The following MYOCD variants were observed in gnomAD, a reference collection of about 807,000 sequenced individuals.
The protein encoded by MYOCD is myocardin.
A neutral mutation model predicts 96.1 loss-of-function variants in MYOCD; 32 were observed. That is an observed-to-expected ratio of 0.33 (90% confidence interval 0.25 to 0.45). The LOEUF is 0.45. Ranked by LOEUF, MYOCD falls within the 20% of genes least tolerant of loss-of-function variation. The probability of loss-of-function intolerance (pLI) is 1.00; values close to 1 mark genes in which losing one functional copy is unlikely to be tolerated. For synonymous variants in MYOCD, 469 were observed against 469.0 expected (o/e 1.00, Z 0.00); for missense variants, 1,133 against 1,200.6 (o/e 0.94, Z 0.83).
At chr17:12,726,809 A>G (rs2032012968) in intron 5 of MYOCD, among the ~76,000 whole-genome samples, 1 of 152,202 alleles carries the variant, frequency 6.6e-6, no homozygotes, top group African/African-American at 2.4e-5. Context: ...TGGTTGCTTT[A>G]AAACATTGCT....
At chr17:12,707,372 C>T (rs2031326750) in intron 2 of MYOCD, among the ~76,000 whole-genome samples, 2 of 152,032 alleles carry the variant, frequency 1.3e-5, no homozygotes, top group Non-Finnish European at 2.9e-5. Flanking sequence ...GATGGTCCCT[C>T]AGAGAGAGTC....
rs1275352111 is a variant in MYOCD at position 12,746,110 on chromosome 17, C to T, written c.1125+38C>T. The T allele has an allele frequency of 4.4e-6, 7 of 1,603,646 alleles. No homozygotes were observed. The Admixed American group carries it at 8.5e-5, about 19-fold the overall frequency. On this transcript the variant is annotated intron_variant, in intron 9 of 13. Transcript: ENST00000425538. ...ACATGAGTTTCTTTCTTTTTTTAAACAAATACAACAGTATGTTGTTAACAT... is the reference window on the plus strand; with the variant it reads ...ACATGAGTTTCTTTCTTTTTTTAAATAAATACAACAGTATGTTGTTAACAT...
At chr17:12,738,015 G>A (rs757597) in intron 6 of MYOCD, among the ~76,000 whole-genome samples, 74,433 of 152,052 alleles carry the variant, frequency 0.49, 18,461 homozygotes, top group East Asian at 0.62. Flanking sequence ...ATCAAACGGT[G>A]TATCAGATCA....
chr17:12,768,874 A>T lies in MYOCD; in HGVS notation c.*5230A>T, dbSNP rs757142459. ...CAAAAAGCAGTGGCTAAAATACCAAAGTTGGCATGTGTTCTTTTTTAAAAA... is the reference window on the plus strand; with the variant it reads ...CAAAAAGCAGTGGCTAAAATACCAATGTTGGCATGTGTTCTTTTTTAAAAA... On this transcript the variant is annotated 3_prime_UTR_variant, in exon 14 of 14. Coordinates refer to ENST00000425538, the MANE Select transcript of MYOCD (RefSeq NM_001146312.3). 6.7e-6 allele frequency: 1 copy of T among 150,230 alleles called. No individual in the cohort carries two copies. Among genetic ancestry groups the T allele is most frequent in the Non-Finnish European group, 1.5e-5 (1 of 67,760 alleles). The allele number at this position is 150,230 out of a possible 1,614,324, so 9.3% of individuals were successfully genotyped here. A position where few individuals can be genotyped will look rare whatever the true frequency, so the allele number is the denominator to read the frequency against.
chr17:12,666,380 G>A (rs1909376916), intron 1 of MYOCD, 137 bp downstream of exon 1: 1 of 690,344 alleles, frequency 1.4e-6, no homozygotes, highest in South Asian at 1.8e-5. Context: ...CATTGTGGAA[G>A]CGAAGAGTTT....
intron 5 of MYOCD, among the ~76,000 whole-genome samples, chr17:12,723,562 C>G (rs942843804): frequency 6.6e-6 from 1 of 152,176 alleles, no homozygotes; most frequent in Admixed American, 6.5e-5. Context: ...GACAAATACT[C>G]AAAAAGGAGA....
rs1455319669 is a variant in MYOCD, at chr17:12,758,913, G to T, written c.2331+700G>T. Among the ~76,000 whole-genome samples the T allele has an allele frequency of 9.2e-5, 14 of 152,176 alleles. No individual in the cohort carries two copies. The South Asian group carries it at 2.7e-3, about 29-fold the overall frequency. ...AAAATACAAAAATTAGCTGGGTGTGGTGGTGTGTGCCTGTAATCCCAGCTA... is the reference window on the plus strand; with the variant it reads ...AAAATACAAAAATTAGCTGGGTGTGTTGGTGTGTGCCTGTAATCCCAGCTA... On this transcript the variant is annotated intron_variant, in intron 12 of 13. Transcript: ENST00000425538.
intron 1 of MYOCD, among the ~76,000 whole-genome samples, chr17:12,702,831 A>G (rs937620952): frequency 6.6e-6 from 1 of 152,022 alleles, no homozygotes; most frequent in African/African-American, 2.4e-5. Context: ...TTATCACTGT[A>G]ATCTGTATTA....
chr17:12,726,604 T>A (rs1455903999), intron 5 of MYOCD, among the ~76,000 whole-genome samples: 1 of 152,320 alleles, frequency 6.6e-6, no homozygotes, highest in South Asian at 2.1e-4. Context: ...TGCCTCTGTA[T>A]TATGGAAGGG....
At chr17:12,736,041 TAAAAC>T (rs2032329534) in intron 5 of MYOCD, 115 bp from the exon 6 acceptor site, 6 of 879,926 alleles carry the variant, frequency 6.8e-6, no homozygotes, top group Non-Finnish European at 1.1e-5. Flanking sequence ...TACCTAAACT[TAAAAC>T]AAACTGGAGA....
chr17:12,705,108 C>A lies in MYOCD; in HGVS notation c.56-20C>A, dbSNP rs771508590. On this transcript the variant is annotated intron_variant, in intron 1 of 13. Coordinates refer to ENST00000425538, the MANE Select transcript of MYOCD (RefSeq NM_001146312.3). ...AATGATATTTAGCCCAACTCACAAACTAACACTCCCTTTTCTAAGTTTTAC... is the reference window on the plus strand; with the variant it reads ...AATGATATTTAGCCCAACTCACAAAATAACACTCCCTTTTCTAAGTTTTAC... 2.5e-6 allele frequency: 4 copies of A among 1,584,616 alleles called. No homozygotes were observed. In the South Asian group the frequency reaches 4.4e-5, roughly 18 times the overall value.
At chr17:12,677,333 C>G (rs1434285741) in intron 1 of MYOCD, among the ~76,000 whole-genome samples, 1 of 152,050 alleles carries the variant, frequency 6.6e-6, no homozygotes, top group African/African-American at 2.4e-5. Flanking sequence ...ATGAAATAAT[C>G]TGTACAACAA....
chr17:12,737,151 A>G (rs1422405048), intron 6 of MYOCD, among the ~76,000 whole-genome samples: 1 of 152,124 alleles, frequency 6.6e-6, no homozygotes, highest in Non-Finnish European at 1.5e-5. Flanking sequence ...GCTACTTGGG[A>G]GGCTGAGGCA....
chr17:12,701,622 A>C (rs961036781), intron 1 of MYOCD, among the ~76,000 whole-genome samples: 2 of 152,036 alleles, frequency 1.3e-5, no homozygotes, highest in African/African-American at 4.8e-5. Flanking sequence ...GTAGAATCTT[A>C]GGTCACTGAT....
Position 12,672,465 on chromosome 17 carries a change from G to A in MYOCD, c.55+6222G>A, listed in dbSNP as rs12600404. The stretch of plus-strand genomic sequence containing the variant: ...AGTAAGTCAAGCTGTCAAGCTTTAC[G>A]TAACGAGATTTGGATCATTATTCTT... On this transcript the variant is annotated intron_variant, in intron 1 of 13. Transcript: ENST00000425538. Among the ~76,000 whole-genome samples the A allele has an allele frequency of 1.1e-4, 16 of 152,210 alleles. 1 individual carries two copies. In the East Asian group the frequency reaches 1.7e-3, roughly 17 times the overall value.
At chr17:12,721,167 A>G (rs1476702113) in intron 4 of MYOCD, among the ~76,000 whole-genome samples, 1 of 152,094 alleles carries the variant, frequency 6.6e-6, no homozygotes, top group Non-Finnish European at 1.5e-5. Context: ...AAACATATGA[A>G]ATGTTATTTC....
chr17:12,735,804 C>G (rs916797817), intron 5 of MYOCD, among the ~76,000 whole-genome samples: 4 of 152,202 alleles, frequency 2.6e-5, no homozygotes, highest in African/African-American at 9.6e-5. Context: ...ATGCTCCCAC[C>G]ATGTTTTCCT....
At chr17:12,737,580 C>G (rs1430543079) in intron 6 of MYOCD, among the ~76,000 whole-genome samples, 1 of 152,124 alleles carries the variant, frequency 6.6e-6, no homozygotes, top group Non-Finnish European at 1.5e-5. Context: ...AGTGTGAAAG[C>G]CAGATGTGAG....
intron 5 of MYOCD, among the ~76,000 whole-genome samples, chr17:12,730,142 A>C (rs1017994929): frequency 6.6e-6 from 1 of 151,738 alleles, no homozygotes; most frequent in Non-Finnish European, 1.5e-5. Flanking sequence ...GTGAGACCCT[A>C]TCTCTCAAAA....
Sources: gnomAD v4.1 joint callset for allele counts (sites outside exome capture counted in the v4.1 genomes callset) on GRCh38, gnomAD v4.1.1 for gene constraint, MANE v1.5 for transcripts, NCBI Gene and HGNC (gene_info 2026-07-23, HGNC 2026-07-21) for gene names.